MSRA: variants seen among roughly 807,000 people sequenced by gnomAD.
MSRA encodes methionine sulfoxide reductase A.
A neutral mutation model predicts 31.3 loss-of-function variants in MSRA; 54 were observed. That is an observed-to-expected ratio of 1.73 (90% CI 1.39 to 2.17). The LOEUF (loss-of-function observed/expected upper bound fraction) is 2.17, where lower values mean the gene tolerates loss of function less well. MSRA is among the 30% of genes most tolerant of loss of function. The pLI is 0.00. For missense variants in MSRA, 507 were observed against 300.9 expected, an observed-to-expected ratio of 1.69 and a Z score of -5.07; for synonymous variants, 169 against 116.5, an observed-to-expected ratio of 1.45 and a Z score of -2.90.
At chr8:10,149,297 A>G (rs1299707990) in intron 1 of MSRA, among the ~76,000 whole-genome samples, 1 of 151,940 alleles carries the variant, frequency 6.6e-6, no homozygotes, top group African/African-American at 2.4e-5. Context: ...AAGTTTTTGT[A>G]TTTTTAGTAG....
At chr8:10,287,017 T>C (rs1043920362) in intron 3 of MSRA, among the ~76,000 whole-genome samples, 1 of 152,246 alleles carries the variant, frequency 6.6e-6, no homozygotes, top group Non-Finnish European at 1.5e-5. Context: ...ACAGTGCCAA[T>C]GCCCTTGGCA....
intron 5 of MSRA, among the ~76,000 whole-genome samples, chr8:10,393,703 C>G (rs1315217429): frequency 6.6e-6 from 1 of 152,200 alleles, no homozygotes; most frequent in Non-Finnish European, 1.5e-5. Flanking sequence ...AGTTTATGAC[C>G]TGCACACGGG....
At chr8:10,241,050 G>T (rs977574602) in intron 2 of MSRA, among the ~76,000 whole-genome samples, 1 of 152,090 alleles carries the variant, frequency 6.6e-6, no homozygotes, top group African/African-American at 2.4e-5. Context: ...ATAGACTGTG[G>T]CTGTAGCCCC....
chr8:10,116,204 A>G (rs372019422), intron 1 of MSRA, among the ~76,000 whole-genome samples: 106 of 152,340 alleles, frequency 7.0e-4, no homozygotes, highest in African/African-American at 2.4e-3. Context: ...GTGGCCCAGG[A>G]TGCCGTTGAG....
chr8:10,398,197 C>G (rs1447686417), intron 5 of MSRA, among the ~76,000 whole-genome samples: 2 of 152,242 alleles, frequency 1.3e-5, no homozygotes, highest in African/African-American at 4.8e-5. Context: ...GTTCTTTTCG[C>G]TCAGTCCAGG....
chr8:10,175,250 T>C (rs1322228249), intron 1 of MSRA, among the ~76,000 whole-genome samples: 1 of 152,220 alleles, frequency 6.6e-6, no homozygotes, highest in Non-Finnish European at 1.5e-5. Flanking sequence ...TTCCATTGTT[T>C]TATTTGACTT....
chr8:10,235,702 C>G (rs537980638), intron 2 of MSRA, among the ~76,000 whole-genome samples: 4 of 152,080 alleles, frequency 2.6e-5, no homozygotes, highest in Admixed American at 2.6e-4. Context: ...TCTCCAAAGT[C>G]CAGGTGCTTC....
At chr8:10,055,542 T>G (rs1026665311) in intron 1 of MSRA, among the ~76,000 whole-genome samples, 1 of 152,236 alleles carries the variant, frequency 6.6e-6, no homozygotes, top group Non-Finnish European at 1.5e-5. Context: ...CCCCCATTAC[T>G]GAATCGGAGA....
intron 1 of MSRA, among the ~76,000 whole-genome samples, chr8:10,155,781 A>G (rs1804105343): frequency 6.6e-6 from 1 of 152,166 alleles, no homozygotes; most frequent in Non-Finnish European, 1.5e-5. Flanking sequence ...GTCCACAGTG[A>G]TGAGAGTTGG....
intron 1 of MSRA, among the ~76,000 whole-genome samples, chr8:10,165,494 A>G (rs945898491): frequency 6.6e-6 from 1 of 152,222 alleles, no homozygotes; most frequent in Non-Finnish European, 1.5e-5. Context: ...TGGAGACTAA[A>G]GACAGGCAAG....
At chr8:10,374,697 C>G (rs1303677361) in intron 5 of MSRA, among the ~76,000 whole-genome samples, 11 of 152,156 alleles carry the variant, frequency 7.2e-5, no homozygotes, top group African/African-American at 2.7e-4. Flanking sequence ...CCTTTGAAAT[C>G]TCTTGTGCAT....
At chr8:10,100,912 G>A (rs1333928616) in intron 1 of MSRA, among the ~76,000 whole-genome samples, 2 of 152,108 alleles carry the variant, frequency 1.3e-5, no homozygotes, top group Non-Finnish European at 2.9e-5. Flanking sequence ...TGAAGAATTA[G>A]TCCCTCTGGA....
chr8:10,425,259 G>A (rs1422838748), intron 5 of MSRA, among the ~76,000 whole-genome samples: 1 of 152,332 alleles, frequency 6.6e-6, no homozygotes, highest in South Asian at 2.1e-4. Flanking sequence ...CCGTCCATGA[G>A]GTCCCAGGCC....
intron 1 of MSRA, among the ~76,000 whole-genome samples, chr8:10,082,706 T>A (rs900876124): frequency 6.6e-6 from 1 of 151,730 alleles, no homozygotes; most frequent in South Asian, 2.1e-4. Context: ...GCTTGAGGGG[T>A]CCCTCTCTGT....
At position 10,402,390 on chromosome 8, in the gene MSRA, C is replaced by T. The variant is rs569624300; in HGVS notation, c.544-25758C>T. Reference sequence around the variant, plus strand: ...AACGCCAAATGTGGTTCTTCCTCGACAGCCAGCAGCTGCTTTCTGGCCTGG... The same window carrying T: ...AACGCCAAATGTGGTTCTTCCTCGATAGCCAGCAGCTGCTTTCTGGCCTGG... On this transcript the variant is annotated intron_variant, in intron 5 of 5. Coordinates refer to ENST00000317173, the MANE Select transcript of MSRA (RefSeq NM_012331.5). 6.6e-5 allele frequency among the ~76,000 whole-genome samples: 10 copies of T among 152,356 alleles called. No homozygotes were observed. In the East Asian group the frequency reaches 1.9e-3, roughly 29 times the overall value.
chr8:10,337,467 C>T lies in MSRA; in HGVS notation c.543+17478C>T, dbSNP rs561524201. ...GTGCTGGGATTACAGGCGTGAGCCA[C>T]CACGCCCGGCCAAGCCTATGTCGCT... On this transcript the variant is annotated intron_variant, in intron 5 of 5. Coordinates refer to ENST00000317173, the MANE Select transcript of MSRA (RefSeq NM_012331.5). The T allele has an allele frequency of 2.4e-4, 117 of 480,494 alleles. No homozygotes were observed. In the East Asian group the frequency reaches 4.1e-3, roughly 17 times the overall value. 29.8% of individuals were successfully genotyped at this position (480,494 alleles called of 1,614,324 possible).
chr8:10,352,730 C>G (rs922656367), intron 5 of MSRA, among the ~76,000 whole-genome samples: 1 of 152,078 alleles, frequency 6.6e-6, no homozygotes, highest in Non-Finnish European at 1.5e-5. Flanking sequence ...TTCATTAACT[C>G]GAGGCCATCT....
intron 5 of MSRA, among the ~76,000 whole-genome samples, chr8:10,411,918 C>T (rs1356346755): frequency 2.0e-5 from 3 of 152,188 alleles, no homozygotes; most frequent in Admixed American, 6.5e-5. Context: ...TCTGTGGACA[C>T]CGCCCCTGGG....
chr8:10,274,955 C>A (rs1328893228), intron 3 of MSRA, among the ~76,000 whole-genome samples: 1 of 152,194 alleles, frequency 6.6e-6, no homozygotes, highest in Non-Finnish European at 1.5e-5. Context: ...AGTTATTTCA[C>A]TCAATTAAAC....
Sources: allele counts gnomAD v4.1 joint callset (sites outside exome capture counted in the v4.1 genomes callset), GRCh38; gene constraint gnomAD v4.1.1; transcripts MANE v1.5; gene names NCBI Gene and HGNC (gene_info 2026-07-23, HGNC 2026-07-21).